NTN1: variants seen among roughly 807,000 people sequenced by gnomAD.
NTN1 encodes the protein netrin-1.
In NTN1, 11 loss-of-function variants were observed where a neutral mutation model predicts 54.2. That is an observed-to-expected ratio of 0.20 (90% CI 0.13 to 0.34). The LOEUF (loss-of-function observed/expected upper bound fraction) is 0.34, where lower values mean the gene tolerates loss of function less well. NTN1 is among the 10% of genes least tolerant of loss of function. The probability of loss-of-function intolerance (pLI) is 1.00; values close to 1 mark genes in which losing one functional copy is unlikely to be tolerated. For missense variants in NTN1, 740 were observed against 893.1 expected (o/e 0.83, Z 2.18); for synonymous variants, 371 against 382.0 (o/e 0.97, Z 0.33).
chr17:9,238,234 G>A (rs1261627774), intron 6 of NTN1, among the ~76,000 whole-genome samples: 3 of 152,164 alleles, frequency 2.0e-5, no homozygotes, highest in Non-Finnish European at 4.4e-5. Context: ...ACTGCTGGAC[G>A]TTCCCTGGGG....
rs1277164731 is a variant in NTN1 at position 9,022,996 on chromosome 17, C to A, written c.623C>A (p.Thr208Asn). The A allele has an allele frequency of 1.2e-6, 2 of 1,609,172 alleles. No homozygotes were observed. Reference protein sequence around the residue: ...EQEAVCTDSHTDMRPLSGGLI... With the variant: ...EQEAVCTDSHNDMRPLSGGLI... Reference sequence around the variant, plus strand: ...GAGGCCGTGTGCACCGACTCGCACACCGACATGCGCCCGCTCTCGGGCGGC... The same window carrying A: ...GAGGCCGTGTGCACCGACTCGCACAACGACATGCGCCCGCTCTCGGGCGGC... The change falls in exon 2 of 7, where the codon ACC (threonine) becomes AAC (asparagine). Residue 208 changes from threonine to asparagine, a missense_variant. Thr to Asn is a moderately conservative substitution (Grantham distance 65). Coordinates refer to ENST00000173229, the MANE Select transcript of NTN1 (RefSeq NM_004822.3).
chr17:9,215,558 A>G (rs1905201982), intron 5 of NTN1, among the ~76,000 whole-genome samples: 1 of 152,216 alleles, frequency 6.6e-6, no homozygotes, highest in Non-Finnish European at 1.5e-5. Flanking sequence ...AAGGATACAT[A>G]ATTGGAACAT....
At chr17:9,106,545 G>C (rs2092167692) in intron 2 of NTN1, among the ~76,000 whole-genome samples, 1 of 134,344 alleles carries the variant, frequency 7.4e-6, no homozygotes, top group African/African-American at 2.9e-5. Context: ...ACAGAGTCTC[G>C]CTCTGTCACC....
chr17:9,197,185 A>T (rs979549684), intron 5 of NTN1, among the ~76,000 whole-genome samples: 3 of 152,152 alleles, frequency 2.0e-5, no homozygotes, highest in African/African-American at 7.2e-5. Context: ...CATCTGACAG[A>T]TGGGGAGACT....
chr17:9,005,920 C>A, the NTN1 span, among the ~76,000 whole-genome samples: 1 of 152,216 alleles, frequency 6.6e-6, no homozygotes, highest in East Asian at 1.9e-4. Flanking sequence ...ACACTGCAGG[C>A]CCCACACAGA....
intron 2 of NTN1, among the ~76,000 whole-genome samples, chr17:9,075,779 G>T (rs1303203613): frequency 2.0e-5 from 3 of 152,140 alleles, no homozygotes; most frequent in Admixed American, 2.0e-4. Flanking sequence ...TCCCAGCGCT[G>T]CAGGGAAGAG....
At chr17:9,030,026 T>A (rs7208515) in intron 2 of NTN1, among the ~76,000 whole-genome samples, 79,463 of 151,756 alleles carry the variant, frequency 0.52, 21,575 homozygotes, top group East Asian at 0.75. Flanking sequence ...TTTATGTGAA[T>A]TTCCCCCCAC....
At chr17:9,153,174 CAGG>C (rs1305926283) in intron 2 of NTN1, among the ~76,000 whole-genome samples, 3 of 152,146 alleles carry the variant, frequency 2.0e-5, no homozygotes, top group Non-Finnish European at 4.4e-5. Context: ...GAGGCTGAGG[CAGG>C]AGAATTGCTT....
the NTN1 span, among the ~76,000 whole-genome samples, chr17:9,004,250 G>A: frequency 4.6e-5 from 7 of 152,374 alleles, no homozygotes; most frequent in African/African-American, 1.7e-4. Context: ...GACACGGCAA[G>A]CTTCTGGGGC....
intron 2 of NTN1, among the ~76,000 whole-genome samples, chr17:9,095,461 G>C (rs9902557): frequency 1.3e-4 from 20 of 152,278 alleles, no homozygotes; most frequent in African/African-American, 4.8e-4. Flanking sequence ...AAAGAATCCA[G>C]CCTTTCACTT....
chr17:9,055,338 A>G (rs1414275605), intron 2 of NTN1, among the ~76,000 whole-genome samples: 2 of 152,212 alleles, frequency 1.3e-5, no homozygotes, highest in South Asian at 2.1e-4. Context: ...CCACTGGACA[A>G]TGCTGTCCAG....
At chr17:9,027,724 T>A (rs7216452) in intron 2 of NTN1, among the ~76,000 whole-genome samples, 2,817 of 152,304 alleles carry the variant, frequency 0.018, 80 homozygotes, top group African/African-American at 0.064. Context: ...AGTTTTCTTT[T>A]ATCTTAGCCA....
intron 2 of NTN1, among the ~76,000 whole-genome samples, chr17:9,047,750 A>G (rs1189802739): frequency 6.6e-6 from 1 of 150,750 alleles, no homozygotes; most frequent in Non-Finnish European, 1.5e-5. Context: ...ACTGGAGTGC[A>G]ATGGCGCGAT....
chr17:9,059,115 G>A (rs2091988352), intron 2 of NTN1, among the ~76,000 whole-genome samples: 3 of 152,158 alleles, frequency 2.0e-5, no homozygotes, highest in Admixed American at 2.0e-4. Flanking sequence ...TATCATTCAT[G>A]GTGATGCCTA....
chr17:9,149,277 C>A (rs916289533), intron 2 of NTN1, among the ~76,000 whole-genome samples: 1 of 151,822 alleles, frequency 6.6e-6, no homozygotes, highest in African/African-American at 2.4e-5. Flanking sequence ...CCACACACAC[C>A]CTGCTGCCAC....
At chr17:9,169,786 G>A (rs1459708734) in intron 3 of NTN1, among the ~76,000 whole-genome samples, 1 of 152,168 alleles carries the variant, frequency 6.6e-6, no homozygotes, top group Non-Finnish European at 1.5e-5. Context: ...AATCGCTTGA[G>A]CCTGGGAGGC....
chr17:9,116,988 T>C (rs938071295), intron 2 of NTN1, among the ~76,000 whole-genome samples: 4 of 151,394 alleles, frequency 2.6e-5, no homozygotes, highest in African/African-American at 9.7e-5. Flanking sequence ...GATATGAAAA[T>C]GTGCATTGTG....
chr17:9,093,453 A>G (rs1274315302), intron 2 of NTN1, among the ~76,000 whole-genome samples: 1 of 152,152 alleles, frequency 6.6e-6, no homozygotes, highest in Non-Finnish European at 1.5e-5. Flanking sequence ...GTTTTGACCT[A>G]CCAGACTCAA....
intron 2 of NTN1, among the ~76,000 whole-genome samples, chr17:9,122,311 G>C (rs2092234100): frequency 1.3e-5 from 2 of 152,354 alleles, no homozygotes; most frequent in Admixed American, 6.5e-5. Context: ...TGGGATTACA[G>C]GCGTGAGCCA....
Sources: allele counts gnomAD v4.1 joint callset (sites outside exome capture counted in the v4.1 genomes callset), GRCh38; gene constraint gnomAD v4.1.1; transcripts MANE v1.5; gene names NCBI Gene and HGNC (gene_info 2026-07-23, HGNC 2026-07-21).